The following NXPH2 variants were observed in gnomAD, a reference collection of about 807,000 sequenced individuals.
NXPH2 encodes the protein neurexophilin 2.
In NXPH2, 5 loss-of-function variants were observed where a neutral mutation model predicts 19.8. The observed-to-expected ratio is 0.25, with a 90% CI of 0.13 to 0.53. The LOEUF is 0.53. NXPH2 is among the 20% of genes least tolerant of loss of function. NXPH2 has a pLI of 0.96. For missense variants in NXPH2, 289 were observed against 322.8 expected, an observed-to-expected ratio of 0.90 and a Z score of 0.80; for synonymous variants, 154 against 127.4, an observed-to-expected ratio of 1.21 and a Z score of -1.41.
intron 1 of NXPH2, among the ~76,000 whole-genome samples, chr2:138,745,402 A>G (rs1465586309): frequency 4.1e-5 from 6 of 148,130 alleles, no homozygotes; most frequent in Non-Finnish European, 8.9e-5. Context: ...GCTAGTGACT[A>G]TTAGTGAGTT....
In NXPH2 at chr2:138,671,528, A is replaced by C. The variant is rs1311603806; in HGVS notation, c.189T>G (p.Ser63=). 6.2e-7 allele frequency: 1 copy of C among 1,613,854 alleles called. No individual in the cohort carries two copies. Reference sequence around the variant, plus strand: ...CCATGGGGCCGGGCTTGGGCACCGGAGACTGTTTAACAAACAGGCGCAGGG... The same window carrying C: ...CCATGGGGCCGGGCTTGGGCACCGGCGACTGTTTAACAAACAGGCGCAGGG... The part of the protein sequence containing the change: ...ISPLRLFVKQ[S]PVPKPGPMAY... The change falls in exon 2 of 2, where the codon TCT becomes TCG. Residue 63 remains serine (S), a synonymous_variant. Coordinates refer to ENST00000272641, the MANE Select transcript of NXPH2 (RefSeq NM_007226.3).
intron 1 of NXPH2, among the ~76,000 whole-genome samples, chr2:138,750,863 T>C (rs890951369): frequency 2.6e-5 from 4 of 152,170 alleles, no homozygotes; most frequent in African/African-American, 9.7e-5. Context: ...ATCCTCAGTG[T>C]TGGAGGTGGG....
intron 1 of NXPH2, among the ~76,000 whole-genome samples, chr2:138,676,374 T>G (rs759606815): frequency 6.6e-6 from 1 of 152,172 alleles, no homozygotes; most frequent in African/African-American, 2.4e-5. Context: ...ACACCAGGTC[T>G]ACCTAGATGG....
At chr2:138,702,267 G>C (rs7424141) in intron 1 of NXPH2, among the ~76,000 whole-genome samples, 76,651 of 151,734 alleles carry the variant, frequency 0.51, 21,429 homozygotes, top group South Asian at 0.75. Context: ...CAGGCACACA[G>C]CACCATCCCT....
intron 1 of NXPH2, among the ~76,000 whole-genome samples, chr2:138,738,603 T>C (rs1396589815): frequency 6.6e-6 from 1 of 152,216 alleles, no homozygotes; most frequent in Non-Finnish European, 1.5e-5. Context: ...ATGCTCATTA[T>C]AGAAGCACCT....
rs150936767 is a variant in NXPH2, at chr2:138,734,086, A to C, written c.51+46105T>G. Among the ~76,000 whole-genome samples the C allele has an allele frequency of 4.2e-3, 642 of 152,284 alleles. 11 individuals carry two copies. The highest frequency in any genetic ancestry group is 0.031 in the Admixed American group (475 of 15,296). On this transcript the variant is annotated intron_variant, in intron 1 of 1. Transcript: ENST00000272641. ...ATGGTGAAAGCCCATCTCTACTAAA[A>C]ATGCAAAAATTAGCCAGGCATCATG...
At chr2:138,726,531 CA>C (rs1281722386) in intron 1 of NXPH2, among the ~76,000 whole-genome samples, 1 of 149,852 alleles carries the variant, frequency 6.7e-6, no homozygotes, top group East Asian at 1.9e-4. Flanking sequence ...CACACACACA[CA>C]CACACACACA....
At chr2:138,755,360 T>A (rs1681891202) in intron 1 of NXPH2, among the ~76,000 whole-genome samples, 2 of 152,108 alleles carry the variant, frequency 1.3e-5, no homozygotes, top group African/African-American at 4.8e-5. Flanking sequence ...AGGTGTAAGT[T>A]TTATGTCTAC....
chr2:138,734,750 G>T (rs1390187679), intron 1 of NXPH2, among the ~76,000 whole-genome samples: 2 of 152,180 alleles, frequency 1.3e-5, no homozygotes, highest in African/African-American at 2.4e-5. Flanking sequence ...AAACCAGAAT[G>T]ATTCCCAAGA....
At chr2:138,737,232 C>T (rs1257677478) in intron 1 of NXPH2, among the ~76,000 whole-genome samples, 1 of 152,060 alleles carries the variant, frequency 6.6e-6, no homozygotes, top group Non-Finnish European at 1.5e-5. Flanking sequence ...ATATCCAAGA[C>T]TGGAAAGAAA....
At chr2:138,745,140 G>A (rs1681705431) in intron 1 of NXPH2, among the ~76,000 whole-genome samples, 1 of 152,132 alleles carries the variant, frequency 6.6e-6, no homozygotes, top group Non-Finnish European at 1.5e-5. Flanking sequence ...AGCTGTAGCT[G>A]GGCATGCCAG....
chr2:138,773,834 A>T (rs984561861), intron 1 of NXPH2, among the ~76,000 whole-genome samples: 1 of 152,188 alleles, frequency 6.6e-6, no homozygotes, highest in African/African-American at 2.4e-5. Flanking sequence ...TCATTTGTAG[A>T]GACATTTACG....
intron 1 of NXPH2, among the ~76,000 whole-genome samples, chr2:138,741,874 T>G (rs1210225182): frequency 1.3e-5 from 2 of 152,188 alleles, no homozygotes; most frequent in Non-Finnish European, 2.9e-5. Flanking sequence ...AGACTTGTAT[T>G]GCATTCATTT....
intron 1 of NXPH2, among the ~76,000 whole-genome samples, chr2:138,734,300 A>G (rs1019935321): frequency 2.2e-4 from 33 of 152,220 alleles, no homozygotes; most frequent in African/African-American, 8.0e-4. Flanking sequence ...TAGAATTCAC[A>G]GAAGTCACTG....
At chr2:138,701,124 T>C (rs1343551062) in intron 1 of NXPH2, among the ~76,000 whole-genome samples, 1 of 151,970 alleles carries the variant, frequency 6.6e-6, no homozygotes, top group East Asian at 1.9e-4. Flanking sequence ...TGTTGTCAGG[T>C]TGGGAGGATC....
chr2:138,681,979 TC>T (rs1232035649), intron 1 of NXPH2, among the ~76,000 whole-genome samples: 19 of 152,134 alleles, frequency 1.2e-4, no homozygotes. Flanking sequence ...GGCTTACAGA[TC>T]CCTTTACAGT....
chr2:138,771,688 G>T (rs1192647527), intron 1 of NXPH2, among the ~76,000 whole-genome samples: 1 of 152,182 alleles, frequency 6.6e-6, no homozygotes. Flanking sequence ...GCCTGCTCCT[G>T]CAGGGAAGAC....
At chr2:138,769,257 AAG>A (rs1682137064) in intron 1 of NXPH2, among the ~76,000 whole-genome samples, 1 of 152,136 alleles carries the variant, frequency 6.6e-6, no homozygotes, top group Admixed American at 6.6e-5. Context: ...GATGGAGAGG[AAG>A]AGAGTTTACA....
chr2:138,769,861 C>T (rs1265681227), intron 1 of NXPH2, among the ~76,000 whole-genome samples: 1 of 152,106 alleles, frequency 6.6e-6, no homozygotes, highest in African/African-American at 2.4e-5. Context: ...AAAATGAAGG[C>T]ACTCCCCTAG....
Sources: allele counts gnomAD v4.1 joint callset (sites outside exome capture counted in the v4.1 genomes callset), GRCh38; gene constraint gnomAD v4.1.1; transcripts MANE v1.5; gene names NCBI Gene and HGNC (gene_info 2026-07-23, HGNC 2026-07-21).